Variants in ZNF695 observed in about 807,000 individuals in gnomAD.
The protein encoded by ZNF695 is zinc finger protein SBZF3.
Under a neutral mutation model 11.2 loss-of-function variants are expected in ZNF695, and 11 were observed. The ratio of observed to expected loss-of-function variants is 0.98; its 90% CI spans 0.62 to 1.62. The LOEUF (loss-of-function observed/expected upper bound fraction) is 1.62. Ranked by LOEUF, ZNF695 falls within the 40% of genes most tolerant of loss-of-function variation. ZNF695 has a pLI of 0.00. For missense variants in ZNF695, 559 were observed against 590.5 expected, an observed-to-expected ratio of 0.95 and a Z score of 0.55; for synonymous variants, 190 against 201.4, an observed-to-expected ratio of 0.94 and a Z score of 0.48.
chr1:246,984,152 C>CGA (rs375773508), downstream of ZNF695, among the ~76,000 whole-genome samples: 9 of 91,630 alleles, frequency 9.8e-5, no homozygotes, highest in East Asian at 2.4e-3. Flanking sequence ...ACCATGTCTC[C>CGA]AAAAAAAAAA....
Position 246,987,250 on chromosome 1 carries a change from T to C in ZNF695, c.1265A>G (p.Tyr422Cys). Residue 422 changes from tyrosine (Y) to cysteine (C), a missense_variant, in exon 4 of 4, where the codon TAC (tyrosine) becomes TGC (cysteine). Physicochemically the swap from Tyr to Cys is radical, Grantham distance 194. Transcript: ENST00000339986. ...ECGKAFTWFS[Y>C]LTQHKRIHTG... is the part of the protein sequence containing the mutation. Reference sequence around the variant, plus strand: ...ATGAATTCTCTTATGTTGAGTAAGGTATGAAAACCAGGTAAAAGCTTTGCC... The same window carrying C: ...ATGAATTCTCTTATGTTGAGTAAGGCATGAAAACCAGGTAAAAGCTTTGCC... 6.2e-7 allele frequency: 1 copy of C among 1,613,966 alleles called. No homozygotes were observed. Among genetic ancestry groups the C allele is most frequent in the Non-Finnish European group, 8.5e-7 (1 of 1,179,978 alleles).
chr1:246,986,965 T>C lies in ZNF695; in HGVS notation c.*2A>G, dbSNP rs1467252616. 3.2e-6 allele frequency: 5 copies of C among 1,559,714 alleles called. No individual in the cohort carries two copies. In the South Asian group the frequency reaches 3.7e-5, roughly 12 times the overall value. ...ATATTGTTTAGAATTGTAGGGTTTT[T>C]CTCAGGTATGAGTTTTCTCATGTAC... On this transcript the variant is annotated 3_prime_UTR_variant, in exon 4 of 4. Coordinates refer to ENST00000339986, the MANE Select transcript of ZNF695 (RefSeq NM_020394.5).
intron 4 of ZNF695, among the ~76,000 whole-genome samples, chr1:246,975,329 T>G (rs1263422732): frequency 1.4e-4 from 21 of 152,164 alleles, no homozygotes. Flanking sequence ...CCACCAATAT[T>G]TATTGTGAAT....
chr1:246,971,179 C>T (rs1035927971), intron 4 of ZNF695, among the ~76,000 whole-genome samples: 4 of 152,184 alleles, frequency 2.6e-5, no homozygotes, highest in East Asian at 1.9e-4. Flanking sequence ...ACCTGTCCAC[C>T]GGAGAGGGGG....
intron 5 of ZNF695, among the ~76,000 whole-genome samples, chr1:246,951,859 G>A (rs1396063128): frequency 1.3e-5 from 2 of 152,130 alleles, no homozygotes; most frequent in African/African-American, 2.4e-5. Flanking sequence ...ACCCTACCTA[G>A]AGTGCACCTT....
chr1:246,950,587 G>A (rs1383349493), intron 5 of ZNF695, among the ~76,000 whole-genome samples: 3 of 139,312 alleles, frequency 2.2e-5, no homozygotes, highest in Non-Finnish European at 4.6e-5. Context: ...GGAGGCAGAG[G>A]TTGCAGTGAG....
At chr1:247,001,432 C>T (rs1257098792) in intron 1 of ZNF695, among the ~76,000 whole-genome samples, 1 of 151,440 alleles carries the variant, frequency 6.6e-6, no homozygotes, top group African/African-American at 2.4e-5. Flanking sequence ...AGAAAAGGAG[C>T]CGGGCGTGGT....
At chr1:246,962,097 C>A (rs908732881) in intron 5 of ZNF695, among the ~76,000 whole-genome samples, 2 of 152,196 alleles carry the variant, frequency 1.3e-5, no homozygotes, top group African/African-American at 4.8e-5. Flanking sequence ...GCAGTCAAGG[C>A]GGCAGGAAGC....
intron 4 of ZNF695, among the ~76,000 whole-genome samples, chr1:246,974,500 G>T (rs976632614): frequency 1.3e-5 from 2 of 152,198 alleles, no homozygotes; most frequent in Non-Finnish European, 2.9e-5. Context: ...TGTACATATA[G>T]TTAGCTATAT....
chr1:246,956,840 C>T (rs1004034404), intron 5 of ZNF695, among the ~76,000 whole-genome samples: 5 of 152,126 alleles, frequency 3.3e-5, no homozygotes, highest in Non-Finnish European at 7.3e-5. Flanking sequence ...AGCCACTGCG[C>T]TGGGCCTATT....
At chr1:246,991,676 G>A (rs1669037438) in intron 3 of ZNF695, among the ~76,000 whole-genome samples, 1 of 152,194 alleles carries the variant, frequency 6.6e-6, no homozygotes. Context: ...CTGTGGGGAT[G>A]TAAATTAGTA....
At chr1:247,007,494 C>CA (rs34758795) in intron 1 of ZNF695, among the ~76,000 whole-genome samples, 59,429 of 79,416 alleles carry the variant, frequency 0.75, 22,434 homozygotes, top group Admixed American at 0.84. Context: ...GACTCCGTCT[C>CA]AAAAAAAAAA....
downstream of ZNF695, among the ~76,000 whole-genome samples, chr1:246,983,136 A>G (rs1179430814): frequency 6.6e-6 from 1 of 151,648 alleles, no homozygotes; most frequent in Non-Finnish European, 1.5e-5. Flanking sequence ...CCTGGGAGGC[A>G]GAGCTTGCAG....
chr1:246,992,056 C>T (rs574045671), intron 3 of ZNF695, among the ~76,000 whole-genome samples: 3 of 152,034 alleles, frequency 2.0e-5, no homozygotes, highest in East Asian at 1.9e-4. Context: ...CGCAGCTACT[C>T]GGGAGGCTGA....
chr1:246,970,304 T>A (rs778687028), intron 4 of ZNF695, among the ~76,000 whole-genome samples: 3 of 152,132 alleles, frequency 2.0e-5, no homozygotes, highest in Non-Finnish European at 2.9e-5. Flanking sequence ...TAGTGTAAAG[T>A]GTGATCTCGG....
Position 246,986,953 on chromosome 1 carries a change from T to C in ZNF695, c.*14A>G. The C allele has an allele frequency of 6.4e-7, 1 of 1,550,834 alleles. No homozygotes were observed. ...AAAGACTATGCCATATTGTTTAGAA[T>C]TGTAGGGTTTTTCTCAGGTATGAGT... On this transcript the variant is annotated 3_prime_UTR_variant, in exon 4 of 4. Transcript: ENST00000339986.
rs544607263 is a variant in ZNF695, at chr1:246,947,256, G to A, written c.489-1429C>T. 4.0e-5 allele frequency among the ~76,000 whole-genome samples: 6 copies of A among 148,436 alleles called. 1 individual carries two copies. The South Asian group carries it at 1.3e-3, about 32-fold the overall frequency. On this transcript the variant is annotated intron_variant, in intron 5 of 5. Transcript: ENST00000487338. ...CCTTTGTCGCCCAGGCTGGAGTGCA[G>A]TGGCCGTTCACAGGCACTGTCATGC...
chr1:246,976,568 G>T (rs1405949334), intron 4 of ZNF695, among the ~76,000 whole-genome samples: 7 of 151,802 alleles, frequency 4.6e-5, no homozygotes, highest in African/African-American at 1.2e-4. Flanking sequence ...GCCAAGGCGG[G>T]CAGATCACGA....
chr1:247,003,670 T>C (rs1405045863), intron 1 of ZNF695, among the ~76,000 whole-genome samples: 1 of 152,214 alleles, frequency 6.6e-6, no homozygotes, highest in African/African-American at 2.4e-5. Context: ...CTTTATAGTT[T>C]TGGTAAACTA....
Sources: gnomAD v4.1 joint callset for allele counts (sites outside exome capture counted in the v4.1 genomes callset) on GRCh38, gnomAD v4.1.1 for gene constraint, MANE v1.5 for transcripts, NCBI Gene and HGNC (gene_info 2026-07-23, HGNC 2026-07-21) for gene names.